MARK1: variants seen among roughly 807,000 people sequenced by gnomAD.
The protein encoded by MARK1 is microtubule affinity regulating kinase 1, also known as serine/threonine-protein kinase MARK1.
In MARK1, 40 loss-of-function variants were observed where a neutral mutation model predicts 96.3. The observed-to-expected ratio is 0.42, with a 90% confidence interval of 0.32 to 0.54. The LOEUF (loss-of-function observed/expected upper bound fraction) is 0.54. MARK1 is among the 20% of genes least tolerant of loss of function. MARK1 has a pLI of 0.16. For missense variants in MARK1, 719 were observed against 984.6 expected, an observed-to-expected ratio of 0.73 and a Z score of 3.61; for synonymous variants, 317 against 341.2, an observed-to-expected ratio of 0.93 and a Z score of 0.78.
chr1:220,662,298 T>C lies in MARK1; in HGVS notation c.*132T>C, dbSNP rs879018410. Reference sequence around the variant, plus strand: ...AGAATTTGCCCTTAATGCAATAAGGTTATACATAGTTATGAACTGTAAAAT... The same window carrying C: ...AGAATTTGCCCTTAATGCAATAAGGCTATACATAGTTATGAACTGTAAAAT... On this transcript the variant is annotated 3_prime_UTR_variant, in exon 18 of 18. Coordinates refer to ENST00000366917, the MANE Select transcript of MARK1 (RefSeq NM_018650.5). 4.7e-6 allele frequency: 3 copies of C among 633,112 alleles called. No homozygotes were observed. In the Admixed American group the frequency reaches 8.7e-5, roughly 18 times the overall value. 39.2% of individuals were successfully genotyped at this position (633,112 alleles called of 1,614,324 possible).
At position 220,605,394 on chromosome 1, in the gene MARK1, G is replaced by A. The variant is rs139015247; in HGVS notation, c.495+1257G>A. Among the ~76,000 whole-genome samples the A allele has an allele frequency of 3.9e-3, 591 of 152,016 alleles. 6 individuals carry two copies. Among genetic ancestry groups the A allele is most frequent in the African/African-American group, 0.014 (571 of 41,484 alleles). On this transcript the variant is annotated intron_variant, in intron 6 of 17. Transcript: ENST00000366917. ...AAGAAACTGAATGGCATTCAACCAC[G>A]TACTGTAATATTATTTTCTATCCTG...
At chr1:220,542,849 T>G (rs1661238089) in intron 1 of MARK1, among the ~76,000 whole-genome samples, 1 of 152,340 alleles carries the variant, frequency 6.6e-6, no homozygotes, top group South Asian at 2.1e-4. Flanking sequence ...AATTCTGGAA[T>G]AAGTTTTTTG....
At chr1:220,535,421 G>A (rs1660618083) in intron 1 of MARK1, among the ~76,000 whole-genome samples, 7 of 151,954 alleles carry the variant, frequency 4.6e-5, no homozygotes, top group Admixed American at 4.6e-4. Context: ...TAAAAATCAA[G>A]TTTTTTTAAA....
At chr1:220,576,939 G>T (rs1432363204) in intron 1 of MARK1, among the ~76,000 whole-genome samples, 1 of 152,100 alleles carries the variant, frequency 6.6e-6, no homozygotes, top group Non-Finnish European at 1.5e-5. Flanking sequence ...AGAAAGCTGT[G>T]TGGAGGAGAT....
intron 16 of MARK1, among the ~76,000 whole-genome samples, 166 bp downstream of exon 16, chr1:220,653,518 A>G (rs540016400): frequency 1.3e-5 from 2 of 152,290 alleles, no homozygotes. Context: ...GACATAAAGT[A>G]TTTTTCCTTA....
intron 13 of MARK1, among the ~76,000 whole-genome samples, chr1:220,644,123 G>A (rs921600439): frequency 6.6e-6 from 1 of 152,042 alleles, no homozygotes; most frequent in Non-Finnish European, 1.5e-5. Context: ...ACACAGAATG[G>A]CAAGCTGGGT....
intron 17 of MARK1, 47 bp downstream of exon 17, chr1:220,657,881 A>C (rs1455301652): frequency 7.2e-7 from 1 of 1,387,896 alleles, no homozygotes. Flanking sequence ...CTGTGTATGA[A>C]AACGTACTTT....
chr1:220,629,115 A>G (rs1667524489), intron 9 of MARK1, among the ~76,000 whole-genome samples: 1 of 152,128 alleles, frequency 6.6e-6, no homozygotes, highest in Admixed American at 6.6e-5. Context: ...AGATATATAT[A>G]TGGGAAGTTA....
At position 220,657,772 on chromosome 1, in the gene MARK1, C is replaced by T. The variant is rs1669254822; in HGVS notation, c.1989-18C>T. The T allele has an allele frequency of 6.5e-7, 1 of 1,545,896 alleles. No homozygotes were observed. The highest frequency in any genetic ancestry group is 2.2e-5 in the Admixed American group (1 of 44,810). On this transcript the variant is annotated intron_variant, in intron 16 of 17. Transcript: ENST00000366917. ...TTTTACTTTTATCATTAAATCTCAACCTTCACTTTGTTTTGAGGGATCCAA... is the reference window on the plus strand; with the variant it reads ...TTTTACTTTTATCATTAAATCTCAATCTTCACTTTGTTTTGAGGGATCCAA...
chr1:220,590,816 C>T (rs889360154), intron 3 of MARK1, among the ~76,000 whole-genome samples: 1 of 152,110 alleles, frequency 6.6e-6, no homozygotes, highest in Non-Finnish European at 1.5e-5. Context: ...TTCTTGTTAT[C>T]GCTTATGTTT....
In MARK1 at chr1:220,581,213, C is replaced by CA. The variant is rs1471445648; in HGVS notation, c.309+97dup. ...GTCATTCTAAATTTTCTATTAGGTACAATTCTACATTTCATCAATATAAGA... is the reference window on the plus strand; with the variant it reads ...GTCATTCTAAATTTTCTATTAGGTACAAATTCTACATTTCATCAATATAAGA... On this transcript the variant is annotated intron_variant, in intron 3 of 17. Transcript: ENST00000366917. 6 of 407,424 alleles carry CA rather than the reference C, an allele frequency of 1.5e-5. No individual in the cohort carries two copies. The Admixed American group carries it at 2.6e-4, about 18-fold the overall frequency. The allele number at this position is 407,424 out of a possible 1,614,324, so 25.2% of individuals were successfully genotyped here. A position where few individuals can be genotyped will look rare whatever the true frequency, so the allele number is the denominator to read the frequency against.
chr1:220,625,978 T>C, intron 9 of MARK1: 1 of 553,064 alleles, frequency 1.8e-6, no homozygotes, highest in Middle Eastern at 4.6e-4. Flanking sequence ...CTCCATCTCT[T>C]CAGATACATG....
intron 6 of MARK1, among the ~76,000 whole-genome samples, chr1:220,608,679 C>T (rs1666243629): frequency 6.6e-6 from 1 of 152,164 alleles, no homozygotes; most frequent in African/African-American, 2.4e-5. Context: ...TTCATGCTTT[C>T]TCTTGTGGGC....
At position 220,581,062 on chromosome 1, in the gene MARK1, T is replaced by C; in HGVS notation, c.256-3T>C. On this transcript the variant is annotated splice_polypyrimidine_tract_variant and splice_region_variant and intron_variant, in intron 2 of 17. Transcript: ENST00000366917. The stretch of plus-strand genomic sequence containing the variant: ...ATAGAGTTTAATGATTCTTCTTTTT[T>C]AGGTTGCTGTGAAAATAATAGACAA... The C allele has an allele frequency of 7.9e-7, 1 of 1,262,674 alleles. No individual in the cohort carries two copies. The highest frequency in any genetic ancestry group is 1.5e-5 in the African/African-American group (1 of 66,018). 78.2% of individuals were successfully genotyped at this position (1,262,674 alleles called of 1,614,324 possible).
At chr1:220,562,864 C>T (rs960845431) in intron 1 of MARK1, among the ~76,000 whole-genome samples, 1 of 152,114 alleles carries the variant, frequency 6.6e-6, no homozygotes. Flanking sequence ...AGAGCAAATT[C>T]AGGTTTTGCT....
In MARK1 at chr1:220,579,471, A is replaced by G. The variant is rs1445938400; in HGVS notation, c.169A>G (p.Ile57Val). ...ITSATDEQPH[I>V]GNYRLQKTIG... ...GTCAGCAACAGATGAACAGCCTCACATTGGAAATTACCGTTTACAAAAAAC... is the reference window on the plus strand; with the variant it reads ...GTCAGCAACAGATGAACAGCCTCACGTTGGAAATTACCGTTTACAAAAAAC... Residue 57 changes from isoleucine (I) to valine (V), a missense_variant, in exon 2 of 18, where the codon ATT becomes GTT. Ile to Val is a conservative substitution (Grantham distance 29, BLOSUM62 3). Coordinates refer to ENST00000366917, the MANE Select transcript of MARK1 (RefSeq NM_018650.5). The G allele has an allele frequency of 6.8e-6, 11 of 1,614,114 alleles. No individual in the cohort carries two copies. The highest frequency in any genetic ancestry group is 3.4e-6 in the Non-Finnish European group (4 of 1,180,002).
intron 6 of MARK1, among the ~76,000 whole-genome samples, chr1:220,604,681 G>C (rs989882181): frequency 6.6e-6 from 1 of 151,672 alleles, no homozygotes; most frequent in Middle Eastern, 3.2e-3. Flanking sequence ...AGTTCAACTT[G>C]AATATGACTT....
At chr1:220,553,695 C>T (rs1212734583) in intron 1 of MARK1, among the ~76,000 whole-genome samples, 2 of 152,110 alleles carry the variant, frequency 1.3e-5, no homozygotes, top group Admixed American at 6.5e-5. Flanking sequence ...GTCAATTGCT[C>T]AGTGTTTACT....
chr1:220,587,892 G>A (rs1225834252), intron 3 of MARK1, among the ~76,000 whole-genome samples: 1 of 151,964 alleles, frequency 6.6e-6, no homozygotes, highest in African/African-American at 2.4e-5. Context: ...GATGTATAGA[G>A]GGATGTCTCT....
Sources: gnomAD v4.1 joint callset for allele counts (sites outside exome capture counted in the v4.1 genomes callset) on GRCh38, gnomAD v4.1.1 for gene constraint, MANE v1.5 for transcripts, NCBI Gene and HGNC (gene_info 2026-07-23, HGNC 2026-07-21) for gene names.